The following CDS1 variants were observed in gnomAD, a reference collection of about 807,000 sequenced individuals.
CDS1 encodes the protein CDP-diacylglycerol synthase 1, also known as phosphatidate cytidylyltransferase 1.
In CDS1, 41 loss-of-function variants were observed where a neutral mutation model predicts 62.1. The observed-to-expected ratio is 0.66, with a 90% CI of 0.51 to 0.86. The LOEUF (loss-of-function observed/expected upper bound fraction) is 0.86, where lower values mean the gene tolerates loss of function less well. CDS1 is among the 40% of genes least tolerant of loss of function. The pLI, the probability that CDS1 is intolerant of heterozygous loss-of-function variation, is 0.00. For missense variants in CDS1, 470 were observed against 550.1 expected, an observed-to-expected ratio of 0.85 and a Z score of 1.46; for synonymous variants, 185 against 192.6, an observed-to-expected ratio of 0.96 and a Z score of 0.32.
intron 2 of CDS1, among the ~76,000 whole-genome samples, chr4:84,607,741 A>T (rs55656241): frequency 0.18 from 26,632 of 150,940 alleles, 2,679 homozygotes; most frequent in South Asian, 0.37. Flanking sequence ...ATTTTTTTTT[A>T]AAAAAAAGGA....
At chr4:84,595,950 A>G (rs144374434) in intron 1 of CDS1, among the ~76,000 whole-genome samples, 478 of 152,104 alleles carry the variant, frequency 3.1e-3, no homozygotes, top group African/African-American at 9.5e-3. Context: ...CCAAACATCT[A>G]GGAAAGTCTT....
chr4:84,603,296 C>T (rs553563660), intron 1 of CDS1, among the ~76,000 whole-genome samples: 1 of 152,232 alleles, frequency 6.6e-6, no homozygotes, highest in South Asian at 2.1e-4. Flanking sequence ...TATTTGCCTC[C>T]AGGGAATATT....
intron 3 of CDS1, among the ~76,000 whole-genome samples, chr4:84,612,388 T>G (rs535278461): frequency 5.4e-4 from 82 of 152,226 alleles, no homozygotes; most frequent in African/African-American, 1.9e-3. Context: ...CTAGATACAG[T>G]GACTTCGGCA....
At chr4:84,636,551 G>A (rs1166295696) in intron 8 of CDS1, among the ~76,000 whole-genome samples, 2 of 152,144 alleles carry the variant, frequency 1.3e-5, no homozygotes, top group African/African-American at 4.8e-5. Flanking sequence ...TGGAGACAAA[G>A]TCTCGCCCTG....
intron 8 of CDS1, among the ~76,000 whole-genome samples, chr4:84,637,734 G>A (rs1724256839): frequency 6.6e-6 from 1 of 152,124 alleles, no homozygotes. Context: ...TTATCAGGCT[G>A]GATTAATTGT....
rs1374328351 is a variant in CDS1, at chr4:84,610,120, C to G, written c.342+595C>G. Among the ~76,000 whole-genome samples, 3 of 151,980 alleles carry G rather than the reference C, an allele frequency of 2.0e-5. No individual in the cohort carries two copies. The East Asian group carries it at 5.8e-4, about 29-fold the overall frequency. On this transcript the variant is annotated intron_variant, in intron 3 of 12. Transcript: ENST00000295887. Reference sequence around the variant, plus strand: ...TGTAATAGGAAAAACATACAAGTAACCATATGAATAAATAGCATGATAAAT... The same window carrying G: ...TGTAATAGGAAAAACATACAAGTAAGCATATGAATAAATAGCATGATAAAT...
chr4:84,649,140 C>T lies in CDS1; in HGVS notation c.*454C>T, dbSNP rs1305024775. Reference sequence around the variant, plus strand: ...ATAGGAAGTCAGTTCTCCTGCACTTCCTCCTCATGTAGTCTGGAGTACTTT... The same window carrying T: ...ATAGGAAGTCAGTTCTCCTGCACTTTCTCCTCATGTAGTCTGGAGTACTTT... On this transcript the variant is annotated 3_prime_UTR_variant, in exon 13 of 13. Coordinates refer to ENST00000295887, the MANE Select transcript of CDS1 (RefSeq NM_001263.4). 6.6e-6 allele frequency: 1 copy of T among 152,352 alleles called. No individual in the cohort carries two copies. Among genetic ancestry groups the T allele is most frequent in the Non-Finnish European group, 1.5e-5 (1 of 68,438 alleles). The allele number at this position is 152,352 out of a possible 1,614,324, so 9.4% of individuals were successfully genotyped here.
chr4:84,626,348 A>T (rs1244218484), intron 5 of CDS1, among the ~76,000 whole-genome samples: 1 of 152,240 alleles, frequency 6.6e-6, no homozygotes. Context: ...TGTAAGAAAT[A>T]ATAGATCTTT....
intron 9 of CDS1, among the ~76,000 whole-genome samples, chr4:84,639,740 A>C (rs1724321769): frequency 6.6e-6 from 1 of 152,150 alleles, no homozygotes; most frequent in Admixed American, 6.6e-5. Flanking sequence ...GAGAGAGTGA[A>C]TATACAAATA....
chr4:84,583,396 C>T lies in CDS1; in HGVS notation c.-6C>T. ...GGAGGCCGCCACGGCAGCGCGGGAGCGGAAGATGTTGGAGCTGAGGCACCG... is the reference window on the plus strand; with the variant it reads ...GGAGGCCGCCACGGCAGCGCGGGAGTGGAAGATGTTGGAGCTGAGGCACCG... On this transcript the variant is annotated 5_prime_UTR_variant, in exon 1 of 13. Coordinates refer to ENST00000295887, the MANE Select transcript of CDS1 (RefSeq NM_001263.4). The T allele has an allele frequency of 6.3e-7, 1 of 1,593,392 alleles. No individual in the cohort carries two copies. Among genetic ancestry groups the T allele is most frequent in the Non-Finnish European group, 8.6e-7 (1 of 1,167,170 alleles).
intron 5 of CDS1, among the ~76,000 whole-genome samples, chr4:84,627,390 G>A (rs1437836275): frequency 1.3e-5 from 2 of 152,106 alleles, no homozygotes; most frequent in Non-Finnish European, 2.9e-5. Flanking sequence ...AAATCAGGGA[G>A]ACTAAAAATA....
intron 2 of CDS1, among the ~76,000 whole-genome samples, chr4:84,606,894 CTTTA>C (rs1474704219): frequency 1.3e-5 from 2 of 152,124 alleles, no homozygotes; most frequent in Admixed American, 6.5e-5. Flanking sequence ...GCTTGTGGTC[CTTTA>C]TTTACCTCTG....
intron 12 of CDS1, among the ~76,000 whole-genome samples, chr4:84,645,872 C>G (rs572106066): frequency 3.3e-5 from 5 of 152,152 alleles, no homozygotes; most frequent in Non-Finnish European, 7.4e-5. Context: ...AAAAATAAAG[C>G]AGGCCGAGGG....
In CDS1 at chr4:84,583,506, C is replaced by T. The variant is rs1722318256; in HGVS notation, c.105C>T (p.Ser35=). The change falls in exon 1 of 13, where the codon AGC becomes AGT. Residue 35 remains serine, a synonymous_variant. Transcript: ENST00000295887. ...EAAGGDHETE[S]TSDKETDIDD... is the part of the protein sequence containing the mutation. The stretch of plus-strand genomic sequence containing the variant: ...CCGGCGGCGACCACGAAACCGAGAG[C>T]ACCAGCGACAAAGTAAGTGGAGCCG... 3 of 1,526,860 alleles carry T rather than the reference C, an allele frequency of 2.0e-6. No individual in the cohort carries two copies. Among genetic ancestry groups the T allele is most frequent in the Non-Finnish European group, 2.6e-6 (3 of 1,137,286 alleles). 94.6% of individuals were successfully genotyped at this position (1,526,860 alleles called of 1,614,324 possible). A position where few individuals can be genotyped will look rare whatever the true frequency, so the allele number is the denominator to read the frequency against.
chr4:84,648,576 G>A lies in CDS1; in HGVS notation c.1276G>A (p.Val426Met). 6.2e-7 allele frequency: 1 copy of A among 1,613,790 alleles called. No homozygotes were observed. Among genetic ancestry groups the A allele is most frequent in the Non-Finnish European group, 8.5e-7 (1 of 1,179,840 alleles). ...CATTAGGGGCCCAAATCCCAGCAAA[G>A]TGCTACAGCAGTTGTTGGTGCTTCA... ...SFIRGPNPSKVLQQLLVLQPE... is the reference protein window; with the variant it reads ...SFIRGPNPSKMLQQLLVLQPE... The change falls in exon 13 of 13, where the codon GTG becomes ATG. Residue 426 changes from valine to methionine, a missense_variant. By Grantham distance (21) the Val-to-Met change is conservative. This residue lies in a region of CDS1 where 68 missense variants were observed against 81.5 expected (regional missense o/e 0.83). Coordinates refer to ENST00000295887, the MANE Select transcript of CDS1 (RefSeq NM_001263.4).
chr4:84,608,185 T>A (rs1264447439), intron 2 of CDS1, among the ~76,000 whole-genome samples: 2 of 152,194 alleles, frequency 1.3e-5, no homozygotes, highest in East Asian at 3.9e-4. Flanking sequence ...AAATACTTTG[T>A]TTTTTGGAGA....
At chr4:84,634,289 A>G (rs573322051) in intron 7 of CDS1, among the ~76,000 whole-genome samples, 41 of 152,254 alleles carry the variant, frequency 2.7e-4, no homozygotes, top group Admixed American at 1.0e-3. Context: ...ATGCAAAAAA[A>G]TATAAAACTT....
chr4:84,640,145 T>A (rs1724333451), intron 9 of CDS1, among the ~76,000 whole-genome samples: 1 of 147,654 alleles, frequency 6.8e-6, no homozygotes, highest in African/African-American at 2.5e-5. Flanking sequence ...ATAATATATA[T>A]AATAATATGT....
At chr4:84,626,034 GTGCA>G in intron 5 of CDS1, among the ~76,000 whole-genome samples, 1 of 152,088 alleles carries the variant, frequency 6.6e-6, no homozygotes, top group East Asian at 1.9e-4. Flanking sequence ...GGGCGTGGTG[GTGCA>G]TGCCTGTAAT....
Sources: gnomAD v4.1 joint callset for allele counts (sites outside exome capture counted in the v4.1 genomes callset) on GRCh38, gnomAD v4.1.1 for gene constraint, gnomAD v4.1.1 regional missense constraint, MANE v1.5 for transcripts, NCBI Gene and HGNC (gene_info 2026-07-23, HGNC 2026-07-21) for gene names.